Variants in PIGK observed in about 807,000 individuals in gnomAD.
The protein encoded by PIGK is GPI-anchor transamidase.
A neutral mutation model predicts 50.6 loss-of-function variants in PIGK; 42 were observed. The observed-to-expected ratio is 0.83, with a 90% CI of 0.65 to 1.07. The LOEUF is 1.07. Among genes scored for constraint, PIGK ranks in the 50% least tolerant of loss-of-function variants. The probability of loss-of-function intolerance (pLI) is 0.00; values close to 1 mark genes in which losing one functional copy is unlikely to be tolerated. For missense variants in PIGK, 448 were observed against 488.7 expected (o/e 0.92, Z 0.78); for synonymous variants, 151 against 156.0 (o/e 0.97, Z 0.24).
At chr1:77,177,719 G>A (rs181066772) in intron 3 of PIGK, among the ~76,000 whole-genome samples, 7 of 152,172 alleles carry the variant, frequency 4.6e-5, no homozygotes, top group East Asian at 1.9e-4. Flanking sequence ...GGATCTCCCC[G>A]ACTGAGCTGG....
intron 9 of PIGK, among the ~76,000 whole-genome samples, chr1:77,137,707 A>T (rs1453704674): frequency 6.6e-6 from 1 of 152,074 alleles, no homozygotes; most frequent in Non-Finnish European, 1.5e-5. Flanking sequence ...GGATTCCAGC[A>T]ATCCTCCTGC....
chr1:77,195,498 C>A, intron 3 of PIGK: 1 of 658,086 alleles, frequency 1.5e-6, no homozygotes, highest in Non-Finnish European at 2.4e-6. Flanking sequence ...ATTAAAATGG[C>A]ACACAGTTTT....
At chr1:77,109,459 G>A (rs879696348) in intron 10 of PIGK, among the ~76,000 whole-genome samples, 37 of 152,230 alleles carry the variant, frequency 2.4e-4, no homozygotes, top group Non-Finnish European at 2.8e-4. Flanking sequence ...TTCAATGTTC[G>A]CAAATCAATA....
At chr1:77,121,895 C>G (rs1339340636) in intron 10 of PIGK, among the ~76,000 whole-genome samples, 1 of 152,138 alleles carries the variant, frequency 6.6e-6, no homozygotes, top group Non-Finnish European at 1.5e-5. Context: ...AGATTGTTTT[C>G]TCTTTTTAGT....
intron 3 of PIGK, among the ~76,000 whole-genome samples, chr1:77,183,864 T>C (rs1655677723): frequency 6.6e-6 from 1 of 151,950 alleles, no homozygotes; most frequent in African/African-American, 2.4e-5. Flanking sequence ...GATAGTGGAG[T>C]GGATTAGTCA....
intron 10 of PIGK, among the ~76,000 whole-genome samples, chr1:77,120,319 G>A (rs937140982): frequency 6.6e-6 from 1 of 152,148 alleles, no homozygotes; most frequent in Non-Finnish European, 1.5e-5. Context: ...CCCAGGCCCA[G>A]GAGATAGTCC....
chr1:77,193,676 C>T (rs566196701), intron 3 of PIGK, among the ~76,000 whole-genome samples: 2 of 152,246 alleles, frequency 1.3e-5, no homozygotes, highest in South Asian at 4.1e-4. Flanking sequence ...TTTGTTAACC[C>T]TTTTCTATAT....
At chr1:77,121,028 T>A (rs1271715798) in intron 10 of PIGK, among the ~76,000 whole-genome samples, 1 of 152,218 alleles carries the variant, frequency 6.6e-6, no homozygotes, top group African/African-American at 2.4e-5. Flanking sequence ...TGGTCAACCA[T>A]CTTAAAGGTT....
At chr1:77,183,960 A>T (rs764665736) in intron 3 of PIGK, among the ~76,000 whole-genome samples, 1 of 152,142 alleles carries the variant, frequency 6.6e-6, no homozygotes, top group Non-Finnish European at 1.5e-5. Flanking sequence ...GAGGGCAGCA[A>T]CTGCATTTTT....
chr1:77,203,042 T>C (rs559038364), intron 3 of PIGK, among the ~76,000 whole-genome samples: 4 of 152,352 alleles, frequency 2.6e-5, no homozygotes, highest in East Asian at 1.9e-4. Flanking sequence ...TAAAGATATG[T>C]ATATTTTTTC....
chr1:77,210,524 C>A, intron 1 of PIGK, 35 bp from the exon 2 acceptor site: 1 of 1,403,482 alleles, frequency 7.1e-7, no homozygotes, highest in Non-Finnish European at 9.9e-7. Flanking sequence ...GAAAAAGGCA[C>A]AATTTCTCAG....
intron 10 of PIGK, 110 bp from the exon 11 acceptor site, chr1:77,092,600 G>C (rs1570173746): frequency 1.4e-6 from 1 of 690,116 alleles, no homozygotes; most frequent in African/African-American, 1.9e-5. Flanking sequence ...TTTGAATGGG[G>C]ACTAGTTAGT....
intron 3 of PIGK, among the ~76,000 whole-genome samples, chr1:77,206,043 G>A (rs1656278953): frequency 6.6e-6 from 1 of 152,096 alleles, no homozygotes; most frequent in South Asian, 2.1e-4. Flanking sequence ...AAGAGAGACA[G>A]TAAGAAGTTG....
intron 10 of PIGK, among the ~76,000 whole-genome samples, chr1:77,109,015 T>A (rs903488206): frequency 6.6e-6 from 1 of 152,042 alleles, no homozygotes; most frequent in African/African-American, 2.4e-5. Context: ...CTAGAAGAAA[T>A]GGATAAATTC....
At position 77,132,766 on chromosome 1, in the gene PIGK, C is replaced by T. The variant is rs76160438; in HGVS notation, c.987-10407G>A. On this transcript the variant is annotated intron_variant, in intron 9 of 10. Coordinates refer to ENST00000370812, the MANE Select transcript of PIGK (RefSeq NM_005482.3). ...GGCAACAAATTCTCTGTCTGAAAAACATTTTGATTTCATCTTCACTTATGT... is the reference window on the plus strand; with the variant it reads ...GGCAACAAATTCTCTGTCTGAAAAATATTTTGATTTCATCTTCACTTATGT... 4.1e-3 allele frequency among the ~76,000 whole-genome samples: 625 copies of T among 152,096 alleles called. 3 individuals carry two copies. Among genetic ancestry groups the T allele is most frequent in the African/African-American group, 0.014 (601 of 41,550 alleles).
At chr1:77,153,465 A>C (rs973473065) in intron 9 of PIGK, 1 of 152,168 alleles carries the variant, frequency 6.6e-6, no homozygotes, top group African/African-American at 2.4e-5. Context: ...AATTTATTGC[A>C]TATTTCAAAA....
chr1:77,164,071 GA>G (rs1655184474), intron 5 of PIGK, 129 bp from the exon 6 acceptor site: 1 of 527,482 alleles, frequency 1.9e-6, no homozygotes, highest in African/African-American at 2.0e-5. Context: ...TGTATACTAT[GA>G]AAACAAACAA....
chr1:77,182,632 G>A (rs2100570073), intron 3 of PIGK, among the ~76,000 whole-genome samples: 1 of 152,120 alleles, frequency 6.6e-6, no homozygotes, highest in East Asian at 1.9e-4. Flanking sequence ...TATAGATTTT[G>A]GTACGAGGAG....
intron 9 of PIGK, among the ~76,000 whole-genome samples, chr1:77,125,941 T>C (rs187598967): frequency 6.6e-6 from 1 of 152,320 alleles, no homozygotes; most frequent in African/African-American, 2.4e-5. Flanking sequence ...TATTGAACTT[T>C]TGGAATATCT....
Sources: gnomAD v4.1 joint callset for allele counts (sites outside exome capture counted in the v4.1 genomes callset) on GRCh38, gnomAD v4.1.1 for gene constraint, MANE v1.5 for transcripts, NCBI Gene and HGNC (gene_info 2026-07-23, HGNC 2026-07-21) for gene names.